The following CPEB1 variants were observed in gnomAD, a reference collection of about 807,000 sequenced individuals.
CPEB1 encodes cytoplasmic polyadenylation element binding protein 1.
In CPEB1, 7 loss-of-function variants were observed where a neutral mutation model predicts 65.8. The observed-to-expected ratio is 0.11, with a 90% CI of 0.06 to 0.20. The LOEUF (loss-of-function observed/expected upper bound fraction) is 0.20, where lower values mean the gene tolerates loss of function less well. Ranked by LOEUF, CPEB1 falls within the 10% of genes least tolerant of loss-of-function variation. CPEB1 has a pLI of 1.00. For synonymous variants in CPEB1, 262 were observed against 260.0 expected (o/e 1.01, Z -0.08); for missense variants, 551 against 712.2 (o/e 0.77, Z 2.58).
At chr15:82,629,164 TCA>T (rs914607641) in intron 1 of CPEB1, 58 of 579,614 alleles carry the variant, frequency 1.0e-4, no homozygotes, top group African/African-American at 9.3e-4. Context: ...CTGTGTGATA[TCA>T]CAGTTACTTA....
At chr15:82,643,294 A>T (rs1435002829) in intron 1 of CPEB1, among the ~76,000 whole-genome samples, 1 of 152,180 alleles carries the variant, frequency 6.6e-6, no homozygotes, top group Non-Finnish European at 1.5e-5. Context: ...ACAGAAAAAA[A>T]TTCTTTGGCA....
At chr15:82,546,676 T>A (rs2035281312) in intron 11 of CPEB1, among the ~76,000 whole-genome samples, 155 bp from the exon 12 acceptor site, 1 of 152,196 alleles carries the variant, frequency 6.6e-6, no homozygotes, top group Non-Finnish European at 1.5e-5. Flanking sequence ...GAGAGAATTA[T>A]GGGCCTGAAG....
intron 3 of CPEB1, among the ~76,000 whole-genome samples, chr15:82,617,954 C>T (rs1383322714): frequency 6.6e-6 from 1 of 151,502 alleles, no homozygotes; most frequent in Non-Finnish European, 1.5e-5. Flanking sequence ...GGGATGGTCT[C>T]GATCTCCTGA....
intron 10 of CPEB1, among the ~76,000 whole-genome samples, chr15:82,549,210 C>T (rs1286697463): frequency 6.6e-6 from 1 of 152,246 alleles, no homozygotes; most frequent in Non-Finnish European, 1.5e-5. Context: ...CTACCTCACT[C>T]TCACTTCTTA....
chr15:82,561,942 C>T (rs1230099391), intron 4 of CPEB1, among the ~76,000 whole-genome samples: 5 of 152,226 alleles, frequency 3.3e-5, no homozygotes, highest in East Asian at 1.9e-4. Flanking sequence ...TTCAGTTAAG[C>T]TTCTAACAAC....
intron 2 of CPEB1, 84 bp from the exon 3 acceptor site, chr15:82,627,451 T>C (rs2045869101): frequency 2.9e-6 from 3 of 1,034,180 alleles, no homozygotes; most frequent in African/African-American, 1.6e-5. Context: ...TTAGATAAAG[T>C]AGGAAGGACT....
chr15:82,620,705 A>AG (rs2045227354), intron 3 of CPEB1, among the ~76,000 whole-genome samples: 1 of 152,182 alleles, frequency 6.6e-6, no homozygotes. Flanking sequence ...CAGAAGGCTG[A>AG]GGCAAGAGGA....
chr15:82,563,426 C>T (rs1290865776), intron 4 of CPEB1, among the ~76,000 whole-genome samples: 1 of 133,326 alleles, frequency 7.5e-6, no homozygotes, highest in African/African-American at 2.8e-5. Context: ...CGCAGGTGCA[C>T]AATTACAGCT....
intron 3 of CPEB1, among the ~76,000 whole-genome samples, chr15:82,610,468 C>T (rs1264840109): frequency 2.0e-5 from 3 of 151,978 alleles, no homozygotes; most frequent in Non-Finnish European, 4.4e-5. Flanking sequence ...AGATGGATTA[C>T]ACACTATGAC....
chr15:82,622,513 G>A (rs979743591), intron 3 of CPEB1, among the ~76,000 whole-genome samples: 3 of 152,002 alleles, frequency 2.0e-5, no homozygotes, highest in African/African-American at 4.8e-5. Context: ...CAATTCTCCT[G>A]CCTCAGCCTC....
intron 3 of CPEB1, among the ~76,000 whole-genome samples, chr15:82,579,407 C>T (rs1029784281): frequency 3.9e-5 from 6 of 151,928 alleles, no homozygotes; most frequent in Admixed American, 6.6e-5. Flanking sequence ...CTGGCTTAGG[C>T]GACAGGTACC....
chr15:82,571,785 G>T, intron 3 of CPEB1: 1 of 1,266,904 alleles, frequency 7.9e-7, no homozygotes, highest in East Asian at 3.4e-5. Context: ...ATGTGATCAG[G>T]CTGCTGATGC....
At chr15:82,633,838 A>G (rs920518199) in intron 1 of CPEB1, among the ~76,000 whole-genome samples, 2 of 152,164 alleles carry the variant, frequency 1.3e-5, no homozygotes, top group Non-Finnish European at 2.9e-5. Context: ...CACAAAGGAA[A>G]ATCCTCCTCC....
At chr15:82,544,950 C>A (rs1240242696) in intron 12 of CPEB1, among the ~76,000 whole-genome samples, 1 of 152,184 alleles carries the variant, frequency 6.6e-6, no homozygotes, top group Non-Finnish European at 1.5e-5. Flanking sequence ...TGTGCAGAGA[C>A]CATGCTAGTT....
intron 1 of CPEB1, chr15:82,628,822 AT>A: frequency 5.5e-6 from 1 of 181,138 alleles, no homozygotes; most frequent in Non-Finnish European, 1.2e-5. Flanking sequence ...CAGTAAATAT[AT>A]TTTCTCTTAT....
At chr15:82,552,748 A>T in intron 8 of CPEB1, 132 bp from the exon 9 acceptor site, 1 of 1,015,324 alleles carries the variant, frequency 9.8e-7, no homozygotes, top group Middle Eastern at 2.1e-4. Context: ...TTTACTCCTG[A>T]AAAGTCGTGT....
chr15:82,576,337 G>A (rs964122283), intron 3 of CPEB1, among the ~76,000 whole-genome samples: 9 of 152,198 alleles, frequency 5.9e-5, no homozygotes, highest in African/African-American at 2.2e-4. Context: ...AGTAGCTGAG[G>A]TGATGCTAAC....
intron 3 of CPEB1, among the ~76,000 whole-genome samples, chr15:82,596,052 C>G (rs573149240): frequency 6.6e-6 from 1 of 152,298 alleles, no homozygotes; most frequent in African/African-American, 2.4e-5. Flanking sequence ...ACATGACCTA[C>G]TTTTCTCAAA....
chr15:82,604,885 C>T (rs1011653455), intron 3 of CPEB1, among the ~76,000 whole-genome samples: 1 of 152,104 alleles, frequency 6.6e-6, no homozygotes, highest in Non-Finnish European at 1.5e-5. Flanking sequence ...CATTAATCTA[C>T]ATATTCAAAA....
Sources: gnomAD v4.1 joint callset for allele counts (sites outside exome capture counted in the v4.1 genomes callset) on GRCh38, gnomAD v4.1.1 for gene constraint, MANE v1.5 for transcripts, NCBI Gene and HGNC (gene_info 2026-07-23, HGNC 2026-07-21) for gene names.